Variants in GNA12 observed in about 807,000 individuals in gnomAD.
GNA12 encodes the protein guanine nucleotide-binding protein subunit alpha-12.
GNA12 carries 9 observed loss-of-function variants against 26.0 expected under a neutral mutation model. The ratio of observed to expected loss-of-function variants is 0.35; its 90% CI spans 0.21 to 0.60. GNA12 has a LOEUF of 0.60. GNA12 is among the 20% of genes least tolerant of loss of function. The pLI, the probability that GNA12 is intolerant of heterozygous loss-of-function variation, is 0.78. For missense variants in GNA12, 405 were observed against 525.8 expected (o/e 0.77, Z 2.25); for synonymous variants, 264 against 219.6 (o/e 1.20, Z -1.79).
intron 1 of GNA12, among the ~76,000 whole-genome samples, chr7:2,843,265 G>A (rs962105314): frequency 6.6e-6 from 1 of 152,130 alleles, no homozygotes. Flanking sequence ...GCACATCCAG[G>A]AGGGGGCTAA....
At chr7:2,841,776 G>C (rs1031620760) in intron 1 of GNA12, among the ~76,000 whole-genome samples, 2 of 152,192 alleles carry the variant, frequency 1.3e-5, no homozygotes. Flanking sequence ...GCTGAGGCAG[G>C]AGTCCTTATG....
intron 1 of GNA12, among the ~76,000 whole-genome samples, chr7:2,828,005 G>C (rs1030607078): frequency 1.8e-4 from 28 of 152,192 alleles, no homozygotes; most frequent in African/African-American, 6.5e-4. Flanking sequence ...TAACAGGAAA[G>C]AACTCAGGCA....
intron 1 of GNA12, among the ~76,000 whole-genome samples, chr7:2,830,129 T>C (rs1793569124): frequency 6.6e-6 from 1 of 152,324 alleles, no homozygotes; most frequent in African/African-American, 2.4e-5. Flanking sequence ...TGGGTCTGTT[T>C]CTTTCTAGAT....
chr7:2,739,919 C>T (rs184560251), intron 2 of GNA12, among the ~76,000 whole-genome samples: 460 of 152,274 alleles, frequency 3.0e-3, no homozygotes, highest in Non-Finnish European at 5.1e-3. Flanking sequence ...GTGATCCGCC[C>T]GCCTTGGCCT....
At chr7:2,747,342 C>T (rs544634633) in intron 2 of GNA12, among the ~76,000 whole-genome samples, 83 of 152,330 alleles carry the variant, frequency 5.4e-4, no homozygotes, top group African/African-American at 1.9e-3. Context: ...TGGGCTTCAT[C>T]CCTGGGATGC....
intron 1 of GNA12, among the ~76,000 whole-genome samples, chr7:2,835,153 C>T (rs753862309): frequency 6.6e-6 from 1 of 152,100 alleles, no homozygotes; most frequent in Admixed American, 6.5e-5. Flanking sequence ...AATGAAAACG[C>T]TCTTGGGATT....
chr7:2,766,002 A>C (rs1791792117), intron 2 of GNA12, among the ~76,000 whole-genome samples: 1 of 152,090 alleles, frequency 6.6e-6, no homozygotes, highest in African/African-American at 2.4e-5. Context: ...TTACCATCTT[A>C]ATCATTTTAA....
chr7:2,844,257 CCCGCCGCTCGCCTCAGGCCGCGT>C lies in GNA12; in HGVS notation c.-119_-97del, dbSNP rs1284389952. 4 of 558,196 alleles carry C rather than the reference CCCGCCGCTCGCCTCAGGCCGCGT, an allele frequency of 7.2e-6. No homozygotes were observed. The highest frequency in any genetic ancestry group is 2.1e-5 in the African/African-American group (1 of 48,760). The allele number at this position is 558,196 out of a possible 1,614,324, so 34.6% of individuals were successfully genotyped here. ...CCCGGGCCGAGGCACCGCCCCACGCCCCGCCGCTCGCCTCAGGCCGCGTCCGCCGCCGCCGCTGCAGTCGCTCC... is the reference window on the plus strand; with the variant it reads ...CCCGGGCCGAGGCACCGCCCCACGCCCCGCCGCCGCCGCTGCAGTCGCTCC... On this transcript the variant is annotated 5_prime_UTR_variant, in exon 1 of 4. Coordinates refer to ENST00000275364, the MANE Select transcript of GNA12 (RefSeq NM_007353.3).
rs544817215 is a variant in GNA12, at chr7:2,756,405, G to A, written c.526-22904C>T. Among the ~76,000 whole-genome samples, 13 of 152,110 alleles carry A rather than the reference G, an allele frequency of 8.5e-5. No homozygotes were observed. The South Asian group carries it at 2.7e-3, about 32-fold the overall frequency. On this transcript the variant is annotated intron_variant, in intron 2 of 3. Transcript: ENST00000275364. ...TGGTGGCTCACATTTATAATCCTACGAGTTCAAGACCAGCCTGGGCAATAG... is the reference window on the plus strand; with the variant it reads ...TGGTGGCTCACATTTATAATCCTACAAGTTCAAGACCAGCCTGGGCAATAG...
chr7:2,799,203 A>G (rs958568838), intron 1 of GNA12, among the ~76,000 whole-genome samples: 20 of 152,218 alleles, frequency 1.3e-4, no homozygotes, highest in African/African-American at 4.6e-4. Context: ...AAAAGAAGCT[A>G]TGAACTGGGA....
Position 2,729,253 on chromosome 7 carries a change from C to T in GNA12, c.*1928G>A, listed in dbSNP as rs1789762138. On this transcript the variant is annotated 3_prime_UTR_variant, in exon 4 of 4. Coordinates refer to ENST00000275364, the MANE Select transcript of GNA12 (RefSeq NM_007353.3). Reference sequence around the variant, plus strand: ...GCTGACCCAGAAGGCAAACAAAGCTCACCACGCTCCGGACCGGGCTGCGCG... The same window carrying T: ...GCTGACCCAGAAGGCAAACAAAGCTTACCACGCTCCGGACCGGGCTGCGCG... 3 of 152,382 alleles carry T rather than the reference C, an allele frequency of 2.0e-5. No individual in the cohort carries two copies. Among genetic ancestry groups the T allele is most frequent in the African/African-American group, 7.2e-5 (3 of 41,464 alleles). The allele number at this position is 152,382 out of a possible 1,614,324, so 9.4% of individuals were successfully genotyped here. A position where few individuals can be genotyped will look rare whatever the true frequency, so the allele number is the denominator to read the frequency against.
chr7:2,739,312 C>T (rs1790377690), intron 2 of GNA12, among the ~76,000 whole-genome samples: 1 of 152,258 alleles, frequency 6.6e-6, no homozygotes, highest in East Asian at 1.9e-4. Flanking sequence ...ACCCTGACAA[C>T]ACGAATCTGC....
chr7:2,744,660 C>T (rs1376116840), intron 2 of GNA12, among the ~76,000 whole-genome samples: 1 of 152,172 alleles, frequency 6.6e-6, no homozygotes, highest in Non-Finnish European at 1.5e-5. Context: ...CGGAACAAAG[C>T]TGGATGGACA....
At chr7:2,732,191 C>A (rs1400718862) in intron 3 of GNA12, among the ~76,000 whole-genome samples, 1 of 152,126 alleles carries the variant, frequency 6.6e-6, no homozygotes, top group Non-Finnish European at 1.5e-5. Flanking sequence ...TATTCTTAGA[C>A]AATTCTTTAA....
At chr7:2,838,709 A>C (rs1045985654) in intron 1 of GNA12, among the ~76,000 whole-genome samples, 1 of 152,234 alleles carries the variant, frequency 6.6e-6, no homozygotes, top group South Asian at 2.1e-4. Context: ...AGAATGGAGA[A>C]ATATATATTA....
intron 2 of GNA12, among the ~76,000 whole-genome samples, chr7:2,739,377 C>G (rs866607652): frequency 6.6e-6 from 1 of 152,216 alleles, no homozygotes; most frequent in African/African-American, 2.4e-5. Context: ...CGCATTCACA[C>G]AGCATGCAGC....
chr7:2,762,718 G>A (rs775101980), intron 2 of GNA12: 26 of 1,562,712 alleles, frequency 1.7e-5, no homozygotes, highest in Admixed American at 1.9e-5. Flanking sequence ...CCAGAGGGAA[G>A]CAGGCCCCAT....
At chr7:2,743,736 C>T (rs972575128) in intron 2 of GNA12, among the ~76,000 whole-genome samples, 9 of 152,178 alleles carry the variant, frequency 5.9e-5, no homozygotes, top group Non-Finnish European at 1.0e-4. Flanking sequence ...CTGCCTCACT[C>T]GGGAAGCGCA....
intron 1 of GNA12, among the ~76,000 whole-genome samples, chr7:2,803,395 T>TGGGACAGGAGGCA (rs1792864247): frequency 6.6e-6 from 1 of 151,964 alleles, no homozygotes; most frequent in African/African-American, 2.4e-5. Flanking sequence ...CCGTGGCAGG[T>TGGGACAGGAGGCA]GGGACAGGAG....
Sources: gnomAD v4.1 joint callset for allele counts (sites outside exome capture counted in the v4.1 genomes callset) on GRCh38, gnomAD v4.1.1 for gene constraint, MANE v1.5 for transcripts, NCBI Gene and HGNC (gene_info 2026-07-23, HGNC 2026-07-21) for gene names.